The following SLC36A2 variants were observed in gnomAD, a reference collection of about 807,000 sequenced individuals.
SLC36A2 encodes the protein proton-coupled amino acid transporter 2.
In SLC36A2, 39 loss-of-function variants were observed where a neutral mutation model predicts 42.7. The ratio of observed to expected loss-of-function variants is 0.91; its 90% CI spans 0.71 to 1.19. The LOEUF (loss-of-function observed/expected upper bound fraction) is 1.19, where lower values mean the gene tolerates loss of function less well. SLC36A2 is among the 50% of genes most tolerant of loss of function. SLC36A2 has a pLI of 0.00. For missense variants in SLC36A2, 590 were observed against 613.7 expected (o/e 0.96, Z 0.41); for synonymous variants, 237 against 240.8 (o/e 0.98, Z 0.15).
At chr5:151,338,738 C>A in intron 5 of SLC36A2, 1 of 247,980 alleles carries the variant, frequency 4.0e-6, no homozygotes, top group Non-Finnish European at 8.0e-6. Context: ...CAAAAGAAGA[C>A]CCATATCAAT....
intron 8 of SLC36A2, 84 bp from the exon 9 acceptor site, chr5:151,322,299 G>T: frequency 6.6e-7 from 1 of 1,507,434 alleles, no homozygotes; most frequent in Non-Finnish European, 9.1e-7. Flanking sequence ...CTGACCTTGG[G>T]ACAATGACTT....
At chr5:151,332,302 A>G (rs554876680) in intron 7 of SLC36A2, 9 of 403,630 alleles carry the variant, frequency 2.2e-5, no homozygotes, top group African/African-American at 1.3e-4. Flanking sequence ...TTAAAACTCA[A>G]CAAAAAGACA....
intron 5 of SLC36A2, among the ~76,000 whole-genome samples, chr5:151,336,930 AT>A (rs1756175901): frequency 6.6e-6 from 1 of 152,224 alleles, no homozygotes; most frequent in South Asian, 2.1e-4. Context: ...TCTATACAAT[AT>A]CACAAATTAC....
chr5:151,329,794 G>A (rs533908017), intron 7 of SLC36A2, among the ~76,000 whole-genome samples: 1 of 152,302 alleles, frequency 6.6e-6, no homozygotes, highest in East Asian at 1.9e-4. Flanking sequence ...TAGAGCCTCA[G>A]AAACCTGTGG....
intron 1 of SLC36A2, among the ~76,000 whole-genome samples, chr5:151,345,910 C>G (rs139466406): frequency 1.1e-3 from 164 of 152,208 alleles, no homozygotes; most frequent in Non-Finnish European, 1.9e-3. Flanking sequence ...CTCAAATCTC[C>G]CAGGAGGAGA....
At chr5:151,321,839 G>A in intron 9 of SLC36A2, 1 of 556,914 alleles carries the variant, frequency 1.8e-6, no homozygotes, top group Non-Finnish European at 3.3e-6. Context: ...CACCACGCCT[G>A]GTTAATTGTT....
intron 4 of SLC36A2, among the ~76,000 whole-genome samples, chr5:151,340,191 T>A (rs115511634): frequency 7.5e-3 from 171 of 22,778 alleles, no homozygotes; most frequent in Non-Finnish European, 8.0e-3. Context: ...GAGGAAGAGG[T>A]GGAGGAGGAG....
Position 151,343,546 on chromosome 5 carries a change from T to A in SLC36A2, c.308A>T (p.His103Leu). ...GCGCTGGGCACACTTGACCAGGATGTGCATACAGTGGCAGGCAATGAAGCC... is the reference window on the plus strand; with the variant it reads ...GCGCTGGGCACACTTGACCAGGATGAGCATACAGTGGCAGGCAATGAAGCC... ...VMGFIACHCMHILVKCAQRFC... is the reference protein window; with the variant it reads ...VMGFIACHCMLILVKCAQRFC... The change falls in exon 3 of 10, where the codon CAC becomes CTC. Residue 103 changes from histidine to leucine, a missense_variant. By Grantham distance (99) the His-to-Leu change is moderately conservative. Transcript: ENST00000335244. 2 of 1,614,156 alleles carry A rather than the reference T, an allele frequency of 1.2e-6. No individual in the cohort carries two copies. Among genetic ancestry groups the A allele is most frequent in the Non-Finnish European group, 1.7e-6 (2 of 1,180,022 alleles).
chr5:151,317,408 C>T lies in SLC36A2; in HGVS notation c.1181-320G>A, dbSNP rs181295304. On this transcript the variant is annotated intron_variant, in intron 9 of 9. Coordinates refer to ENST00000335244, the MANE Select transcript of SLC36A2 (RefSeq NM_181776.3). ...TGGAGGTTGCAGTGAGCCAAGATCA[C>T]GCCACTGCACTCCAGCCTGGGTGAC... Among the ~76,000 whole-genome samples, 422 of 150,062 alleles carry T rather than the reference C, an allele frequency of 2.8e-3. 1 individual carries two copies. Among genetic ancestry groups the T allele is most frequent in the African/African-American group, 9.4e-3 (384 of 40,676 alleles).
intron 4 of SLC36A2, among the ~76,000 whole-genome samples, chr5:151,342,436 T>C (rs907781533): frequency 5.9e-5 from 9 of 152,026 alleles, no homozygotes; most frequent in African/African-American, 9.7e-5. Flanking sequence ...AAAGCCCTCC[T>C]CTCCCCCAAG....
intron 9 of SLC36A2, chr5:151,319,890 T>C (rs1755633234): frequency 6.6e-6 from 1 of 152,220 alleles, no homozygotes; most frequent in Admixed American, 6.5e-5. Flanking sequence ...ATGATTTCTG[T>C]ATATTATATA....
At chr5:151,325,226 G>A in intron 8 of SLC36A2, 60 bp downstream of exon 8, 5 of 1,577,802 alleles carry the variant, frequency 3.2e-6, no homozygotes, top group Non-Finnish European at 4.3e-6. Context: ...GGAGGAGGAA[G>A]TGACCTATAC....
intron 5 of SLC36A2, among the ~76,000 whole-genome samples, chr5:151,337,332 C>G (rs184054086): frequency 6.6e-6 from 1 of 152,162 alleles, no homozygotes; most frequent in Admixed American, 6.5e-5. Context: ...CACCACCCCC[C>G]GGAGGAGGCT....
chr5:151,340,215 G>GGA (rs1756297115), intron 4 of SLC36A2, among the ~76,000 whole-genome samples: 2 of 137,024 alleles, frequency 1.5e-5, no homozygotes, highest in African/African-American at 3.4e-5. Flanking sequence ...AGGAGGAGGA[G>GGA]GGAGAGGAGG....
chr5:151,335,275 C>T, intron 6 of SLC36A2, 54 bp downstream of exon 6: 1 of 1,426,850 alleles, frequency 7.0e-7, no homozygotes, highest in African/African-American at 1.4e-5. Flanking sequence ...TCAGTCTATC[C>T]TTGATAAAAA....
chr5:151,322,277 G>A lies in SLC36A2; in HGVS notation c.1011-62C>T, dbSNP rs145392496. 609 of 1,583,768 alleles carry A rather than the reference G, an allele frequency of 3.8e-4. 4 individuals are homozygous for A. In the African/African-American group the frequency reaches 6.7e-3, roughly 17 times the overall value. Reference sequence around the variant, plus strand: ...CTGTGTTCTGACACTGGCCTCCTTGGAACATTAACCTCTGACCTTGGGACA... The same window carrying A: ...CTGTGTTCTGACACTGGCCTCCTTGAAACATTAACCTCTGACCTTGGGACA... On this transcript the variant is annotated intron_variant, in intron 8 of 9. Coordinates refer to ENST00000335244, the MANE Select transcript of SLC36A2 (RefSeq NM_181776.3).
At chr5:151,323,279 A>ATAAATAAAT (rs1755752197) in intron 8 of SLC36A2, among the ~76,000 whole-genome samples, 1 of 150,064 alleles carries the variant, frequency 6.7e-6, no homozygotes, top group Non-Finnish European at 1.5e-5. Flanking sequence ...AAATAAATAA[A>ATAAATAAAT]TAAATAAATG....
chr5:151,346,240 C>T (rs1756494533), intron 1 of SLC36A2, among the ~76,000 whole-genome samples: 1 of 152,186 alleles, frequency 6.6e-6, no homozygotes, highest in South Asian at 2.1e-4. Flanking sequence ...TTACAGACAG[C>T]ACACTCTCAG....
At chr5:151,339,011 C>T (rs753543463) in intron 5 of SLC36A2, 49 bp downstream of exon 5, 53 of 1,326,074 alleles carry the variant, frequency 4.0e-5, no homozygotes, top group Non-Finnish European at 5.7e-5. Flanking sequence ...CTAGCAGTGG[C>T]GTGTCCTTGT....
Sources: gnomAD v4.1 joint callset for allele counts (sites outside exome capture counted in the v4.1 genomes callset) on GRCh38, gnomAD v4.1.1 for gene constraint, MANE v1.5 for transcripts, NCBI Gene and HGNC (gene_info 2026-07-23, HGNC 2026-07-21) for gene names.